The following NIBAN1 variants were observed in gnomAD, a reference collection of about 807,000 sequenced individuals.
NIBAN1 encodes niban apoptosis regulator 1.
NIBAN1 carries 81 observed loss-of-function variants against 75.1 expected under a neutral mutation model. The ratio of observed to expected loss-of-function variants is 1.08; its 90% confidence interval spans 0.90 to 1.30. The LOEUF is 1.30. Among genes scored for constraint, NIBAN1 ranks in the 50% most tolerant of loss-of-function variants. NIBAN1 has a pLI of 0.00. For synonymous variants in NIBAN1, 436 were observed against 424.8 expected (o/e 1.03, Z -0.32); for missense variants, 1,133 against 1,128.1 (o/e 1.00, Z -0.06).
chr1:184,922,195 A>C lies in NIBAN1; in HGVS notation c.56-22886T>G, dbSNP rs145474565. 1.1e-3 allele frequency among the ~76,000 whole-genome samples: 173 copies of C among 152,298 alleles called. 1 individual carries two copies. The highest frequency in any genetic ancestry group is 4.1e-3 in the African/African-American group (170 of 41,562). On this transcript the variant is annotated intron_variant, in intron 1 of 13. Coordinates refer to ENST00000367511, the MANE Select transcript of NIBAN1 (RefSeq NM_052966.4). ...GCATAAAATGTGTAATAATCACATC[A>C]GTATAAATAGGGTAGCCATCACATC...
At chr1:184,912,302 C>T (rs1657261923) in intron 1 of NIBAN1, among the ~76,000 whole-genome samples, 1 of 152,230 alleles carries the variant, frequency 6.6e-6, no homozygotes, top group Non-Finnish European at 1.5e-5. Flanking sequence ...CTCATACAAT[C>T]AATGCTGATG....
rs773305182 is a variant in NIBAN1, at chr1:184,806,010, T to C, written c.1382A>G (p.His461Arg). The C allele has an allele frequency of 2.5e-6, 4 of 1,614,168 alleles. No individual in the cohort carries two copies. Among genetic ancestry groups the C allele is most frequent in the Middle Eastern group, 1.6e-4 (1 of 6,062 alleles). The change falls in exon 11 of 14, where the codon CAT becomes CGT. Residue 461 changes from histidine to arginine, a missense_variant. Physicochemically the swap from His to Arg is conservative, Grantham distance 29. Coordinates refer to ENST00000367511, the MANE Select transcript of NIBAN1 (RefSeq NM_052966.4). ...AGTTTTGGAGGCCTCTCCTTGGAGA[T>C]GTGGGGAAAGCAACTGCTCAAAAGT... Reference protein sequence around the residue: ...VFTFEQLLSPHLQGEASKTAV... With the variant: ...VFTFEQLLSPRLQGEASKTAV...
At chr1:184,912,115 T>G (rs1386327508) in intron 1 of NIBAN1, among the ~76,000 whole-genome samples, 1 of 152,182 alleles carries the variant, frequency 6.6e-6, no homozygotes, top group East Asian at 1.9e-4. Flanking sequence ...TTCTGCAGCT[T>G]GTTTTTTTCA....
rs200960223 is a variant in NIBAN1, at chr1:184,795,739, T to C, written c.2025A>G (p.Gly675=). The C allele has an allele frequency of 6.2e-7, 1 of 1,612,090 alleles. No homozygotes were observed. Among genetic ancestry groups the C allele is most frequent in the Non-Finnish European group, 8.5e-7 (1 of 1,178,918 alleles). ...GCTCTGATGAGCATGTGCCCGGGAG[T>C]CCTGCTGTGTCCTCTGTTGCCACAG... is the stretch of plus-strand genomic sequence containing the variant. The part of the protein sequence containing the change: ...VNPVATEDTA[G]LPGTCSSELE... Residue 675 remains glycine, a synonymous_variant, in exon 14 of 14, where the codon GGA becomes GGG. Coordinates refer to ENST00000367511, the MANE Select transcript of NIBAN1 (RefSeq NM_052966.4).
intron 5 of NIBAN1, among the ~76,000 whole-genome samples, chr1:184,860,847 T>C (rs2102275352): frequency 6.6e-6 from 1 of 152,312 alleles, no homozygotes; most frequent in Middle Eastern, 3.4e-3. Flanking sequence ...AAATATGCAA[T>C]CTCAAGTTTT....
intron 3 of NIBAN1, among the ~76,000 whole-genome samples, chr1:184,892,598 T>TA (rs1656697270): frequency 6.6e-6 from 1 of 152,178 alleles, no homozygotes; most frequent in Non-Finnish European, 1.5e-5. Context: ...AGAGTAAGTC[T>TA]ACCCAAGAGA....
chr1:184,866,340 C>T (rs1489465403), intron 5 of NIBAN1, among the ~76,000 whole-genome samples: 1 of 152,062 alleles, frequency 6.6e-6, no homozygotes, highest in African/African-American at 2.4e-5. Flanking sequence ...TAACCTAAGG[C>T]CTTCAGAAAA....
intron 1 of NIBAN1, among the ~76,000 whole-genome samples, chr1:184,922,356 C>T (rs74903414): frequency 0.018 from 2,702 of 152,228 alleles, 47 homozygotes; most frequent in South Asian, 0.046. Flanking sequence ...TATCTAACTA[C>T]ATTTTTTTAC....
intron 5 of NIBAN1, among the ~76,000 whole-genome samples, chr1:184,852,761 C>A (rs566908937): frequency 6.6e-6 from 1 of 152,170 alleles, no homozygotes; most frequent in Non-Finnish European, 1.5e-5. Flanking sequence ...CTTTTCTTCC[C>A]GCTAAACATT....
Position 184,899,258 on chromosome 1 carries a change from T to C in NIBAN1, c.107A>G (p.Tyr36Cys). ...CACGTGATTGCAGAAAGCCACAGAG[T>C]ACTGACGACTGTAGTAGGGACTGAA... Reference protein sequence around the residue: ...KNFSPYYSRQYSVAFCNHVRT... With the variant: ...KNFSPYYSRQCSVAFCNHVRT... Residue 36 changes from tyrosine (Y) to cysteine (C), a missense_variant, in exon 2 of 14, where the codon TAC becomes TGC. Physicochemically the swap from Tyr to Cys is radical, Grantham distance 194 (BLOSUM62 -2). Transcript: ENST00000367511. 6.2e-7 allele frequency: 1 copy of C among 1,613,900 alleles called. No individual in the cohort carries two copies. Among genetic ancestry groups the C allele is most frequent in the Non-Finnish European group, 8.5e-7 (1 of 1,179,836 alleles).
rs1300928564 is a variant in NIBAN1, at chr1:184,791,204, T to C, written c.*3773A>G. The C allele has an allele frequency of 2.8e-6, 1 of 359,832 alleles. No individual in the cohort carries two copies. Among genetic ancestry groups the C allele is most frequent in the African/African-American group, 2.1e-5 (1 of 46,834 alleles). The allele number at this position is 359,832 out of a possible 1,614,324, so 22.3% of individuals were successfully genotyped here. A position where few individuals can be genotyped will look rare whatever the true frequency, so the allele number is the denominator to read the frequency against. ...AGGCAAACCCTCAAACCCGTCTCTT[T>C]ATGGTAAAGTGTGAAGGCACATGTT... On this transcript the variant is annotated 3_prime_UTR_variant, in exon 14 of 14. Transcript: ENST00000367511.
intron 1 of NIBAN1, among the ~76,000 whole-genome samples, chr1:184,944,214 G>T (rs1658168265): frequency 6.6e-6 from 1 of 152,144 alleles, no homozygotes; most frequent in South Asian, 2.1e-4. Flanking sequence ...GATAAGATAT[G>T]GTCAGTCAAG....
At chr1:184,841,996 C>G (rs553599105) in intron 5 of NIBAN1, among the ~76,000 whole-genome samples, 1 of 152,076 alleles carries the variant, frequency 6.6e-6, no homozygotes, top group Non-Finnish European at 1.5e-5. Context: ...CATCCCTACT[C>G]CCTAGTACAT....
chr1:184,903,732 C>T (rs1403311794), intron 1 of NIBAN1, among the ~76,000 whole-genome samples: 1 of 111,034 alleles, frequency 9.0e-6, no homozygotes, highest in Non-Finnish European at 2.0e-5. Context: ...GCCGATTAAA[C>T]CTTTTTTTTT....
chr1:184,974,334 T>TG lies in NIBAN1; in HGVS notation c.22dup (p.Gln8ProfsTer15), dbSNP rs761052233. 1.9e-6 allele frequency: 3 copies of TG among 1,566,496 alleles called. No homozygotes were observed. In the East Asian group the frequency reaches 7.1e-5, roughly 37 times the overall value. On this transcript the variant is annotated frameshift_variant, in exon 1 of 14. Coordinates refer to ENST00000367511, the MANE Select transcript of NIBAN1 (RefSeq NM_052966.4). LOFTEE classifies it high-confidence loss of function. ...GTAAGCGCACTTGCCCTCGTCCAGC[T>TG]GGCTGGAGGCTGAGCCGCCCATGAC... is the stretch of plus-strand genomic sequence containing the variant.
intron 1 of NIBAN1, among the ~76,000 whole-genome samples, chr1:184,952,555 A>C (rs1658385341): frequency 6.6e-6 from 1 of 152,224 alleles, no homozygotes; most frequent in East Asian, 1.9e-4. Flanking sequence ...CACTAAGGAT[A>C]GCTAATGAGC....
chr1:184,881,169 C>T (rs1326525237), intron 5 of NIBAN1, among the ~76,000 whole-genome samples: 1 of 151,998 alleles, frequency 6.6e-6, no homozygotes, highest in African/African-American at 2.4e-5. Context: ...TTTGAGGCTC[C>T]TAAAGGCTGC....
chr1:184,954,772 A>AG (rs1658441767), intron 1 of NIBAN1, among the ~76,000 whole-genome samples: 1 of 152,230 alleles, frequency 6.6e-6, no homozygotes, highest in Non-Finnish European at 1.5e-5. Flanking sequence ...GCTCTGCACC[A>AG]GGAGTGTGGA....
intron 5 of NIBAN1, among the ~76,000 whole-genome samples, chr1:184,871,663 A>G (rs897720108): frequency 6.6e-6 from 1 of 152,216 alleles, no homozygotes; most frequent in Non-Finnish European, 1.5e-5. Flanking sequence ...CACTTTGAAG[A>G]CACTGATAGA....
Sources: allele counts gnomAD v4.1 joint callset (sites outside exome capture counted in the v4.1 genomes callset), GRCh38; gene constraint gnomAD v4.1.1; transcripts MANE v1.5; gene names NCBI Gene and HGNC (gene_info 2026-07-23, HGNC 2026-07-21).